ANK1: variants seen among roughly 807,000 people sequenced by gnomAD.
ANK1 encodes the protein ankyrin-1.
Under a neutral mutation model 210.4 loss-of-function variants are expected in ANK1, and 51 were observed. The observed-to-expected ratio is 0.24, with a 90% CI of 0.19 to 0.31. ANK1 has a LOEUF of 0.31. Among genes scored for constraint, ANK1 ranks in the 10% least tolerant of loss-of-function variants. The probability of loss-of-function intolerance (pLI) is 1.00; values close to 1 mark genes in which losing one functional copy is unlikely to be tolerated. For synonymous variants in ANK1, 967 were observed against 1,025.9 expected (o/e 0.94, Z 1.10); for missense variants, 2,051 against 2,504.4 (o/e 0.82, Z 3.86).
chr8:41,889,954 G>A (rs762554407), intron 1 of ANK1, among the ~76,000 whole-genome samples: 9 of 152,156 alleles, frequency 5.9e-5, no homozygotes, highest in Non-Finnish European at 1.3e-4. Flanking sequence ...TCCTGAAAAT[G>A]AAATGAAGAT....
chr8:41,660,091 G>A (rs1807408100), intron 42 of ANK1, among the ~76,000 whole-genome samples: 1 of 152,164 alleles, frequency 6.6e-6, no homozygotes, highest in Non-Finnish European at 1.5e-5. Context: ...GGACCCAACA[G>A]CAGCTACTCA....
chr8:41,713,831 C>A (rs1188848637), intron 16 of ANK1, among the ~76,000 whole-genome samples: 1 of 152,162 alleles, frequency 6.6e-6, no homozygotes, highest in Admixed American at 6.5e-5. Flanking sequence ...GGATTTTTAT[C>A]CACACTGACC....
At chr8:41,656,843 G>T (rs1480747276) in intron 42 of ANK1, among the ~76,000 whole-genome samples, 1 of 152,178 alleles carries the variant, frequency 6.6e-6, no homozygotes, top group African/African-American at 2.4e-5. Context: ...GGATGGGAGG[G>T]TGGTGCCAGG....
At chr8:41,752,720 G>A (rs1838010978) in intron 2 of ANK1, among the ~76,000 whole-genome samples, 1 of 151,586 alleles carries the variant, frequency 6.6e-6, no homozygotes, top group Non-Finnish European at 1.5e-5. Context: ...AAGCCTGCTT[G>A]GCTTTGCTCC....
intron 2 of ANK1, among the ~76,000 whole-genome samples, chr8:41,739,132 T>C (rs1045753945): frequency 6.6e-6 from 1 of 152,246 alleles, no homozygotes; most frequent in African/African-American, 2.4e-5. Context: ...AGCTCTTGGC[T>C]ACTCTGTTTT....
At chr8:41,703,550 C>G (rs1449726719) in intron 20 of ANK1, among the ~76,000 whole-genome samples, 1 of 149,622 alleles carries the variant, frequency 6.7e-6, no homozygotes, top group African/African-American at 2.5e-5. Flanking sequence ...GTGGCGCAAT[C>G]ACAGCTCACT....
intron 1 of ANK1, among the ~76,000 whole-genome samples, chr8:41,824,721 T>C (rs1252218690): frequency 6.6e-6 from 1 of 152,156 alleles, no homozygotes; most frequent in East Asian, 1.9e-4. Context: ...CCACTCTTAT[T>C]TTCTAGACAG....
intron 22 of ANK1, 90 bp from the exon 23 acceptor site, chr8:41,699,638 G>C: frequency 7.9e-7 from 1 of 1,258,728 alleles, no homozygotes; most frequent in East Asian, 2.3e-5. Flanking sequence ...TCCGCCTCTG[G>C]GGGCTTGCTC....
At position 41,820,167 on chromosome 8, in the gene ANK1, C is replaced by CTT. The variant is rs35718313; in HGVS notation, c.127-62032_127-62031dup. On this transcript the variant is annotated intron_variant, in intron 1 of 42. Coordinates refer to the ANK1 transcript ENST00000265709. ...TTTCTAATTTAAATTTAGATCTCAC[C>CTT]TTTTTTTTTTTAGATGGGGTCTCAC... Among the ~76,000 whole-genome samples, 273 of 147,938 alleles carry CTT rather than the reference C, an allele frequency of 1.8e-3. 1 individual carries two copies. The highest frequency in any genetic ancestry group is 3.0e-3 in the Non-Finnish European group (200 of 66,716).
chr8:41,809,959 C>T (rs1802238073), intron 1 of ANK1, among the ~76,000 whole-genome samples: 2 of 152,220 alleles, frequency 1.3e-5, no homozygotes, highest in South Asian at 2.1e-4. Flanking sequence ...GGTCTCCCAC[C>T]GTCATGTTAC....
At chr8:41,801,613 A>T (rs1024724922), upstream of ANK1, among the ~76,000 whole-genome samples, 1 of 152,194 alleles carries the variant, frequency 6.6e-6, no homozygotes, top group Non-Finnish European at 1.5e-5. Flanking sequence ...CATGATTACT[A>T]ATGAGGTTGA....
Position 41,703,422 on chromosome 8 carries a change from G to GTGTGTATATATA in ANK1, c.2295+618_2295+619insTATATATACACA, listed in dbSNP as rs1286560913. Among the ~76,000 whole-genome samples, 400 of 53,578 alleles carry GTGTGTATATATA rather than the reference G, an allele frequency of 7.5e-3. 11 individuals carry two copies. The highest frequency in any genetic ancestry group is 0.013 in the Middle Eastern group (1 of 76). The allele number at this position is 53,578 out of a possible 152,430, so 35.1% of individuals were successfully genotyped here. On this transcript the variant is annotated intron_variant, in intron 20 of 42. Transcript: ENST00000289734. Reference sequence around the variant, plus strand: ...TATATGTGTGTGTGTGTGTGTGTGTGTATATATATATATATATATATATAT... The same window carrying GTGTGTATATATA: ...TATATGTGTGTGTGTGTGTGTGTGTGTGTGTATATATATATATATATATATATATATATATAT...
At chr8:41,696,813 C>A in intron 24 of ANK1, 40 bp from the exon 25 acceptor site, 1 of 1,560,460 alleles carries the variant, frequency 6.4e-7, no homozygotes, top group South Asian at 1.1e-5. Flanking sequence ...CACCTCCTCC[C>A]GGGCCAGCTG....
intron 1 of ANK1, among the ~76,000 whole-genome samples, chr8:41,789,632 GA>G (rs1469966092): frequency 6.6e-6 from 1 of 152,218 alleles, no homozygotes; most frequent in African/African-American, 2.4e-5. Flanking sequence ...GACTAGTGGG[GA>G]GACAGGCATC....
intron 2 of ANK1, among the ~76,000 whole-genome samples, chr8:41,748,226 C>T (rs1836672913): frequency 6.6e-6 from 1 of 152,216 alleles, no homozygotes; most frequent in South Asian, 2.1e-4. Context: ...TTCCTCATCC[C>T]TATTCCAGAG....
intron 39 of ANK1, 133 bp from the exon 40 acceptor site, chr8:41,663,875 C>A: frequency 1.3e-6 from 1 of 774,110 alleles, no homozygotes; most frequent in South Asian, 1.4e-5. Context: ...GGAAACCCGG[C>A]TCAGCATGTA....
chr8:41,873,873 G>A (rs1433826565), intron 1 of ANK1, among the ~76,000 whole-genome samples: 1 of 152,164 alleles, frequency 6.6e-6, no homozygotes, highest in African/African-American at 2.4e-5. Flanking sequence ...TTGAACCAAG[G>A]CTGGCAAACC....
Position 41,668,223 on chromosome 8 carries a change from T to G in ANK1, c.5394+44A>C, listed in dbSNP as rs573147919. On this transcript the variant is annotated intron_variant, in intron 39 of 42. Coordinates refer to ENST00000289734, the MANE Select transcript of ANK1 (RefSeq NM_000037.4). ...GCCCTGGAGTCCCGGCCCCTTCCGA[T>G]GCTGGGAAGGAACAGCAGCACGCAG... 3.7e-6 allele frequency: 6 copies of G among 1,613,034 alleles called. No homozygotes were observed. The African/African-American group carries it at 8.0e-5, about 22-fold the overall frequency.
chr8:41,695,432 C>G, intron 26 of ANK1, 101 bp from the exon 27 acceptor site: 1 of 1,537,600 alleles, frequency 6.5e-7, no homozygotes, highest in Non-Finnish European at 8.9e-7. Flanking sequence ...GGATAAGGCA[C>G]TTCCGCAGCC....
Sources: gnomAD v4.1 joint callset for allele counts (sites outside exome capture counted in the v4.1 genomes callset) on GRCh38, gnomAD v4.1.1 for gene constraint, MANE v1.5 for transcripts, NCBI Gene and HGNC (gene_info 2026-07-23, HGNC 2026-07-21) for gene names.